Variants in ELMO1 observed in about 807,000 individuals in gnomAD.
ELMO1 encodes engulfment and cell motility 1.
A neutral mutation model predicts 98.9 loss-of-function variants in ELMO1; 26 were observed. That is an observed-to-expected ratio of 0.26 (90% confidence interval 0.19 to 0.36). The LOEUF is 0.36. ELMO1 is among the 10% of genes least tolerant of loss of function. The probability of loss-of-function intolerance (pLI) is 1.00; values close to 1 mark genes in which losing one functional copy is unlikely to be tolerated. For missense variants in ELMO1, 627 were observed against 935.2 expected, an observed-to-expected ratio of 0.67 and a Z score of 4.30; for synonymous variants, 346 against 346.0, an observed-to-expected ratio of 1.00 and a Z score of 0.00.
chr7:37,370,415 G>C (rs1181594587), intron 1 of ELMO1, among the ~76,000 whole-genome samples: 1 of 152,092 alleles, frequency 6.6e-6, no homozygotes, highest in Non-Finnish European at 1.5e-5. Flanking sequence ...GTACATTAAT[G>C]AACTTGTTAC....
intron 21 of ELMO1, among the ~76,000 whole-genome samples, chr7:36,856,784 G>A (rs983780228): frequency 1.3e-5 from 2 of 152,138 alleles, no homozygotes; most frequent in African/African-American, 4.8e-5. Context: ...CTGGAGTTTA[G>A]GTTTCTAGTA....
chr7:37,434,970 T>G (rs1189529436), intron 1 of ELMO1: 4 of 152,214 alleles, frequency 2.6e-5, no homozygotes, highest in African/African-American at 9.6e-5. Context: ...CCTCCTCTAA[T>G]GTATAAGCAG....
chr7:37,102,933 C>T (rs1232715814), intron 14 of ELMO1, among the ~76,000 whole-genome samples: 1 of 152,196 alleles, frequency 6.6e-6, no homozygotes, highest in Non-Finnish European at 1.5e-5. Context: ...CACTGTGGCT[C>T]TGGACAGAAA....
intron 13 of ELMO1, among the ~76,000 whole-genome samples, chr7:37,173,884 G>A (rs1790342749): frequency 6.6e-6 from 1 of 152,176 alleles, no homozygotes; most frequent in Non-Finnish European, 1.5e-5. Flanking sequence ...GGTGGTGGCT[G>A]CCCCAAGCCC....
chr7:36,935,955 T>C lies in ELMO1; in HGVS notation c.1438-40938A>G, dbSNP rs1786493346. 5.9e-5 allele frequency among the ~76,000 whole-genome samples: 9 copies of C among 152,292 alleles called. No homozygotes were observed. In the South Asian group the frequency reaches 1.9e-3, roughly 32 times the overall value. ...TGTACCCTGGGCCTGCTGCAGTGCA[T>C]ACTGTTGGTTGCTTACCTAAGATTG... On this transcript the variant is annotated intron_variant, in intron 16 of 21. Transcript: ENST00000310758.
At chr7:37,237,256 C>A (rs1794517186) in intron 7 of ELMO1, among the ~76,000 whole-genome samples, 1 of 152,122 alleles carries the variant, frequency 6.6e-6, no homozygotes, top group South Asian at 2.1e-4. Flanking sequence ...CAAATGTTTC[C>A]ATGGAGTGGC....
intron 1 of ELMO1, among the ~76,000 whole-genome samples, chr7:37,374,885 C>G (rs908710408): frequency 7.9e-5 from 12 of 151,956 alleles, no homozygotes; most frequent in African/African-American, 2.9e-4. Flanking sequence ...GATGGTGAAA[C>G]TACGTCTCTA....
intron 1 of ELMO1, among the ~76,000 whole-genome samples, chr7:37,377,815 C>CA (rs1374471276): frequency 6.6e-6 from 1 of 152,136 alleles, no homozygotes; most frequent in Non-Finnish European, 1.5e-5. Context: ...AGTACAAAAT[C>CA]AGTTGCCATA....
chr7:37,264,080 T>C (rs763761651), intron 5 of ELMO1, among the ~76,000 whole-genome samples: 4 of 152,196 alleles, frequency 2.6e-5, no homozygotes, highest in Non-Finnish European at 5.9e-5. Flanking sequence ...TGTAAAATAG[T>C]GTGAGAACAT....
chr7:37,259,985 T>C (rs2130798062), intron 5 of ELMO1, among the ~76,000 whole-genome samples: 1 of 152,350 alleles, frequency 6.6e-6, no homozygotes, highest in African/African-American at 2.4e-5. Flanking sequence ...TTAACAGCTA[T>C]GCCTAGAATT....
At chr7:37,187,970 T>G (rs1791317809) in intron 13 of ELMO1, among the ~76,000 whole-genome samples, 1 of 152,108 alleles carries the variant, frequency 6.6e-6, no homozygotes, top group Non-Finnish European at 1.5e-5. Flanking sequence ...CCAGTAGGTT[T>G]CCTTTGTCTA....
At chr7:37,331,757 C>G (rs951639429) in intron 2 of ELMO1, among the ~76,000 whole-genome samples, 3 of 151,842 alleles carry the variant, frequency 2.0e-5, no homozygotes, top group Non-Finnish European at 4.4e-5. Flanking sequence ...TCTGTGATGA[C>G]TGATTGGATA....
At position 37,389,822 on chromosome 7, in the gene ELMO1, C is replaced by T. The variant is rs903092446; in HGVS notation, c.-73-47059G>A. 3.9e-5 allele frequency among the ~76,000 whole-genome samples: 6 copies of T among 152,150 alleles called. 1 individual carries two copies. Among genetic ancestry groups the T allele is most frequent in the Admixed American group, 1.3e-4 (2 of 15,274 alleles). On this transcript the variant is annotated intron_variant, in intron 1 of 21. Transcript: ENST00000310758. Reference sequence around the variant, plus strand: ...TAAAGAATGAAGCACGGGCATCCCCCGAGATTCTTACTAATTCTCCAGCAT... The same window carrying T: ...TAAAGAATGAAGCACGGGCATCCCCTGAGATTCTTACTAATTCTCCAGCAT...
intron 14 of ELMO1, among the ~76,000 whole-genome samples, chr7:37,097,359 G>A (rs1365111536): frequency 6.6e-6 from 1 of 152,086 alleles, no homozygotes; most frequent in Non-Finnish European, 1.5e-5. Context: ...CCAACATGGC[G>A]AATAAAATAC....
chr7:37,442,595 T>A (rs1411328619), intron 1 of ELMO1, among the ~76,000 whole-genome samples: 1 of 152,212 alleles, frequency 6.6e-6, no homozygotes, highest in African/African-American at 2.4e-5. Flanking sequence ...TGCTTCAATA[T>A]CATGAGGTTG....
chr7:37,163,467 A>G (rs1455792684), intron 13 of ELMO1, among the ~76,000 whole-genome samples: 3 of 151,976 alleles, frequency 2.0e-5, no homozygotes, highest in African/African-American at 4.8e-5. Context: ...AGCATTAGGT[A>G]TATCTCCCAA....
At chr7:36,860,558 A>G (rs1802548148) in intron 21 of ELMO1, among the ~76,000 whole-genome samples, 1 of 152,260 alleles carries the variant, frequency 6.6e-6, no homozygotes, top group Non-Finnish European at 1.5e-5. Flanking sequence ...GAATTAATGT[A>G]CACTGGGGAA....
intron 13 of ELMO1, among the ~76,000 whole-genome samples, chr7:37,196,880 T>C (rs1361481159): frequency 1.3e-5 from 2 of 152,206 alleles, no homozygotes; most frequent in African/African-American, 4.8e-5. Context: ...ATGGGAACTT[T>C]CTGGCTCAGG....
rs1423891080 is a variant in ELMO1, at chr7:36,911,246, C to T, written c.1438-16229G>A. ...TCTACAACTTCAAGATCAATGCGTC[C>T]TTTCCTCGCTGCCCCACCTAAAGAA... On this transcript the variant is annotated intron_variant, in intron 16 of 21. Transcript: ENST00000310758. Among the ~76,000 whole-genome samples the T allele has an allele frequency of 2.0e-5, 3 of 152,270 alleles. No individual in the cohort carries two copies. The East Asian group carries it at 5.8e-4, about 29-fold the overall frequency.
Sources: gnomAD v4.1 joint callset for allele counts (sites outside exome capture counted in the v4.1 genomes callset) on GRCh38, gnomAD v4.1.1 for gene constraint, MANE v1.5 for transcripts, NCBI Gene and HGNC (gene_info 2026-07-23, HGNC 2026-07-21) for gene names.